The following EPG5 variants were observed in gnomAD, a reference collection of about 807,000 sequenced individuals.
The protein encoded by EPG5 is ectopic P-granules 5 autophagy tethering factor.
In EPG5, 159 loss-of-function variants were observed where a neutral mutation model predicts 302.7. The observed-to-expected ratio is 0.53, with a 90% CI of 0.46 to 0.60. The LOEUF (loss-of-function observed/expected upper bound fraction) is 0.60. EPG5 is among the 20% of genes least tolerant of loss of function. EPG5 has a pLI of 0.00. For synonymous variants in EPG5, 1,158 were observed against 1,136.8 expected, an observed-to-expected ratio of 1.02 and a Z score of -0.37; for missense variants, 2,896 against 3,092.4, an observed-to-expected ratio of 0.94 and a Z score of 1.51.
At chr18:45,855,408 T>C (rs1465430853) in intron 43 of EPG5, 165 bp downstream of exon 43, 11 of 551,690 alleles carry the variant, frequency 2.0e-5, no homozygotes, top group African/African-American at 3.8e-5. Flanking sequence ...AATTTGGAGG[T>C]TGGCACATGA....
At chr18:45,860,931 G>T (rs1035323139) in intron 39 of EPG5, among the ~76,000 whole-genome samples, 1 of 152,138 alleles carries the variant, frequency 6.6e-6, no homozygotes, top group African/African-American at 2.4e-5. Context: ...AAAATTGGAG[G>T]TAAAGAGAGA....
chr18:45,925,933 TAA>T, intron 13 of EPG5, 31 bp from the exon 14 acceptor site: 2 of 1,273,640 alleles, frequency 1.6e-6, no homozygotes, highest in Non-Finnish European at 2.0e-6. Context: ...AATCATTAAA[TAA>T]AGACTTAGAA....
At chr18:45,837,410 A>C in the EPG5 span, 1 of 1,365,462 alleles carries the variant, frequency 7.3e-7, no homozygotes, top group Non-Finnish European at 9.5e-7. Context: ...TTTCCAGGCT[A>C]GGGGTTGGGG....
At chr18:45,929,151 C>T (rs1023793184) in intron 12 of EPG5, 142 bp from the exon 13 acceptor site, 9 of 845,654 alleles carry the variant, frequency 1.1e-5, no homozygotes, top group Non-Finnish European at 1.6e-5. Context: ...AATGTTAAAA[C>T]TTCATACAGG....
the EPG5 span, among the ~76,000 whole-genome samples, chr18:45,813,448 T>C: frequency 6.6e-6 from 1 of 152,198 alleles, no homozygotes; most frequent in Non-Finnish European, 1.5e-5. Flanking sequence ...ATCATGCTGC[T>C]ATAAAGACAC....
intron 27 of EPG5, among the ~76,000 whole-genome samples, chr18:45,893,123 G>T (rs1365351917): frequency 6.6e-6 from 1 of 152,154 alleles, no homozygotes; most frequent in African/African-American, 2.4e-5. Context: ...AAACGACCTG[G>T]CAATATTGAA....
the EPG5 span, among the ~76,000 whole-genome samples, chr18:45,806,273 A>G: frequency 2.0e-5 from 3 of 152,236 alleles, no homozygotes; most frequent in East Asian, 5.8e-4. Flanking sequence ...CCATAAATTA[A>G]TATATTCAGA....
Position 45,857,909 on chromosome 18 carries a change from GAGT to G in EPG5, c.7383_7385del (p.Arg2461_Leu2462delinsSer), listed in dbSNP as rs776406806. On this transcript the variant is annotated inframe_deletion, in exon 42 of 44. Coordinates refer to ENST00000282041, the MANE Select transcript of EPG5 (RefSeq NM_020964.3). Reference sequence around the variant, plus strand: ...CAATTGCCCCCAGGATCCCAGAGCTGAGTCTCTCCTCAGCCACGAGGTTCTGCC... The same window carrying G: ...CAATTGCCCCCAGGATCCCAGAGCTGCTCTCCTCAGCCACGAGGTTCTGCC... 27 of 1,612,532 alleles carry G rather than the reference GAGT, an allele frequency of 1.7e-5. No individual in the cohort carries two copies. The highest frequency in any genetic ancestry group is 2.3e-5 in the Non-Finnish European group (27 of 1,180,028).
chr18:45,908,805 C>T (rs2049821008), intron 23 of EPG5, among the ~76,000 whole-genome samples: 3 of 152,058 alleles, frequency 2.0e-5, no homozygotes, highest in Admixed American at 6.6e-5. Context: ...AAAAATGAGC[C>T]GGGTGTGGTG....
chr18:45,927,269 G>A (rs1357571729), intron 13 of EPG5, among the ~76,000 whole-genome samples: 1 of 152,036 alleles, frequency 6.6e-6, no homozygotes, highest in Non-Finnish European at 1.5e-5. Flanking sequence ...TCGATCTCCT[G>A]ACCTCGTGAT....
At chr18:45,863,675 A>G (rs911347994) in intron 39 of EPG5, among the ~76,000 whole-genome samples, 3 of 152,148 alleles carry the variant, frequency 2.0e-5, no homozygotes, top group Admixed American at 1.3e-4. Flanking sequence ...TTACAATTCT[A>G]GGTTATGAGT....
At chr18:45,829,976 C>A in the EPG5 span, among the ~76,000 whole-genome samples, 1 of 152,234 alleles carries the variant, frequency 6.6e-6, no homozygotes, top group Non-Finnish European at 1.5e-5. Context: ...TACCACGGGA[C>A]TCACTTTCCT....
chr18:45,829,620 C>G, the EPG5 span, among the ~76,000 whole-genome samples: 1 of 152,232 alleles, frequency 6.6e-6, no homozygotes, highest in East Asian at 1.9e-4. Context: ...AAGTGCCACC[C>G]CCGGAGCCAC....
At chr18:45,919,085 TAAAC>T (rs2050093546) in intron 16 of EPG5, among the ~76,000 whole-genome samples, 1 of 152,176 alleles carries the variant, frequency 6.6e-6, no homozygotes, top group East Asian at 1.9e-4. Context: ...TGGATGAAAA[TAAAC>T]AGAAAAAAAA....
chr18:45,894,815 G>A (rs2049434315), intron 27 of EPG5, among the ~76,000 whole-genome samples: 1 of 152,182 alleles, frequency 6.6e-6, no homozygotes, highest in African/African-American at 2.4e-5. Flanking sequence ...GATAAATGAT[G>A]CTGCTAGAAA....
At position 45,954,077 on chromosome 18, in the gene EPG5, T is replaced by C. The variant is rs58246199; in HGVS notation, c.1008+317A>G. 0.098 allele frequency: 26,743 copies of C among 272,836 alleles called. 1,760 individuals are homozygous for C. Among genetic ancestry groups the C allele is most frequent in the African/African-American group, 0.22 (9,496 of 43,540 alleles). 16.9% of individuals were successfully genotyped at this position (272,836 alleles called of 1,614,324 possible). A position where few individuals can be genotyped will look rare whatever the true frequency, so the allele number is the denominator to read the frequency against. ...CTCACACTAAAATCTAGATTTCTAG[T>C]TTTTCTTGTAAAATCATAAGATGTG... On this transcript the variant is annotated intron_variant, in intron 2 of 43. Coordinates refer to ENST00000282041, the MANE Select transcript of EPG5 (RefSeq NM_020964.3).
At chr18:45,825,695 C>A in the EPG5 span, 7 of 1,608,836 alleles carry the variant, frequency 4.4e-6, no homozygotes, top group Non-Finnish European at 6.0e-6. Context: ...TGGCCGAGAG[C>A]GGGTCTGGCC....
chr18:45,804,415 A>G, the EPG5 span, among the ~76,000 whole-genome samples: 2 of 152,238 alleles, frequency 1.3e-5, no homozygotes, highest in Non-Finnish European at 2.9e-5. Flanking sequence ...ACATAAATTT[A>G]CAAATCTAAG....
At chr18:45,932,063 T>C (rs1157073429) in intron 11 of EPG5, among the ~76,000 whole-genome samples, 8 of 151,964 alleles carry the variant, frequency 5.3e-5, no homozygotes, top group Non-Finnish European at 1.0e-4. Context: ...ATAGTGGAAA[T>C]TATTACACAA....
Sources: gnomAD v4.1 joint callset for allele counts (sites outside exome capture counted in the v4.1 genomes callset) on GRCh38, gnomAD v4.1.1 for gene constraint, MANE v1.5 for transcripts, NCBI Gene and HGNC (gene_info 2026-07-23, HGNC 2026-07-21) for gene names.